Variants in MAML3 observed in about 807,000 individuals in gnomAD.
MAML3 encodes the protein mastermind-like protein 3.
MAML3 carries 27 observed loss-of-function variants against 101.9 expected under a neutral mutation model. The ratio of observed to expected loss-of-function variants is 0.27; its 90% confidence interval spans 0.20 to 0.37. The LOEUF (loss-of-function observed/expected upper bound fraction) is 0.37, where lower values mean the gene tolerates loss of function less well. Ranked by LOEUF, MAML3 falls within the 10% of genes least tolerant of loss-of-function variation. The probability of loss-of-function intolerance (pLI) is 1.00; values close to 1 mark genes in which losing one functional copy is unlikely to be tolerated. For synonymous variants in MAML3, 501 were observed against 555.9 expected, an observed-to-expected ratio of 0.90 and a Z score of 1.39; for missense variants, 1,316 against 1,444.9, an observed-to-expected ratio of 0.91 and a Z score of 1.45.
chr4:139,725,576 A>G (rs1165101544), intron 4 of MAML3, among the ~76,000 whole-genome samples, 175 bp downstream of exon 4: 2 of 152,184 alleles, frequency 1.3e-5, no homozygotes, highest in Non-Finnish European at 2.9e-5. Context: ...CTGGCACAAC[A>G]GGAGGCCTCT....
intron 1 of MAML3, among the ~76,000 whole-genome samples, chr4:140,094,186 G>A (rs903769653): frequency 1.3e-5 from 2 of 152,176 alleles, no homozygotes; most frequent in Non-Finnish European, 2.9e-5. Context: ...TTTGGGAGGG[G>A]GAGGGAGTGA....
At chr4:140,140,214 C>T (rs1728957376) in intron 1 of MAML3, among the ~76,000 whole-genome samples, 1 of 152,084 alleles carries the variant, frequency 6.6e-6, no homozygotes, top group Non-Finnish European at 1.5e-5. Flanking sequence ...GTCCCAGCTA[C>T]TCGGAAGGCT....
chr4:139,954,419 G>T (rs1370770109), intron 1 of MAML3, among the ~76,000 whole-genome samples: 1 of 152,190 alleles, frequency 6.6e-6, no homozygotes, highest in Non-Finnish European at 1.5e-5. Context: ...TGTTTCCGTG[G>T]AACACCTTTG....
At chr4:140,001,206 G>A (rs1734918607) in intron 1 of MAML3, among the ~76,000 whole-genome samples, 1 of 152,126 alleles carries the variant, frequency 6.6e-6, no homozygotes, top group Non-Finnish European at 1.5e-5. Flanking sequence ...TTTTCTCCAT[G>A]AGCAGTTGCA....
intron 2 of MAML3, among the ~76,000 whole-genome samples, chr4:139,802,875 A>G (rs1730632976): frequency 6.6e-6 from 1 of 152,246 alleles, no homozygotes; most frequent in Non-Finnish European, 1.5e-5. Flanking sequence ...AGTGCTTTGG[A>G]AACTGAGCAG....
At chr4:139,976,292 A>G (rs947179892) in intron 1 of MAML3, among the ~76,000 whole-genome samples, 28 of 152,056 alleles carry the variant, frequency 1.8e-4, no homozygotes, top group African/African-American at 6.5e-4. Context: ...CTCCTCCCCC[A>G]AAAACAGTAA....
intron 1 of MAML3, among the ~76,000 whole-genome samples, chr4:139,988,639 C>A (rs12504594): frequency 0.27 from 40,720 of 151,996 alleles, 6,645 homozygotes; most frequent in Non-Finnish European, 0.37. Context: ...ACAACAGGGA[C>A]AGGAAGGGGC....
intron 1 of MAML3, among the ~76,000 whole-genome samples, chr4:139,995,337 G>A (rs777915305): frequency 6.6e-5 from 10 of 152,232 alleles, no homozygotes; most frequent in Non-Finnish European, 1.3e-4. Context: ...TGCTCATGAG[G>A]ACATTCTTGT....
chr4:139,858,618 T>C (rs115247388), intron 2 of MAML3, among the ~76,000 whole-genome samples: 488 of 152,228 alleles, frequency 3.2e-3, no homozygotes, highest in African/African-American at 0.011. Flanking sequence ...TAAAAATCAC[T>C]GAAAGGAGTC....
Position 139,890,816 on chromosome 4 carries a change from G to C in MAML3, c.620C>G (p.Pro207Arg). Residue 207 changes from proline (P) to arginine (R), a missense_variant, in exon 2 of 5, where the codon CCC (proline) becomes CGC (arginine). Transcript: ENST00000509479. The surrounding 1 kb of genome is among the most constrained non-coding windows in gnomAD (Gnocchi z 4.1). ...AGCTGAAGGCAGTGGCATGTTACTG[G>C]GCAAATTGTTGATGGCTTCCATCCC... ...SAGMEAINNLPSNMPLPSASP... is the reference protein window; with the variant it reads ...SAGMEAINNLRSNMPLPSASP... 1 of 1,613,988 alleles carries C rather than the reference G, an allele frequency of 6.2e-7. No homozygotes were observed. Among genetic ancestry groups the C allele is most frequent in the Non-Finnish European group, 8.5e-7 (1 of 1,179,892 alleles).
chr4:140,050,818 C>T (rs11945931), intron 1 of MAML3, among the ~76,000 whole-genome samples: 20,117 of 152,170 alleles, frequency 0.13, 1,439 homozygotes, highest in African/African-American at 0.15. Flanking sequence ...CCTTCAGAAT[C>T]GCTACCTTGA....
rs369376772 is a variant in MAML3 at position 139,719,376 on chromosome 4, C to G, written c.3364G>C (p.Gly1122Arg). The change falls in exon 5 of 5, where the codon GGG becomes CGG. Residue 1122 changes from glycine (G) to arginine (R), a missense_variant. By Grantham distance (125) the Gly-to-Arg change is moderately radical (BLOSUM62 -2). Coordinates refer to ENST00000509479, the MANE Select transcript of MAML3 (RefSeq NM_018717.5). ...ADLVDSIIKG[G>R]PGDEWMQELD... ...TCCTGCATCCACTCGTCCCCTGGCCCGCCTTTGATGATGGAGTCCACAAGG... is the reference window on the plus strand; with the variant it reads ...TCCTGCATCCACTCGTCCCCTGGCCGGCCTTTGATGATGGAGTCCACAAGG... 4.3e-6 allele frequency: 7 copies of G among 1,611,946 alleles called. No individual in the cohort carries two copies. The South Asian group carries it at 7.7e-5, about 18-fold the overall frequency.
intron 1 of MAML3, among the ~76,000 whole-genome samples, chr4:140,093,049 A>C (rs927055800): frequency 6.6e-5 from 10 of 152,174 alleles, no homozygotes; most frequent in African/African-American, 2.4e-4. Context: ...AAGACAGGAA[A>C]ACTTTATAGG....
At chr4:140,147,077 G>A (rs1288038762) in intron 1 of MAML3, among the ~76,000 whole-genome samples, 1 of 144,368 alleles carries the variant, frequency 6.9e-6, no homozygotes, top group Non-Finnish European at 1.5e-5. Flanking sequence ...AGCTTGCAGT[G>A]AGCCGAGATT....
chr4:140,095,991 G>A (rs111406004), intron 1 of MAML3, among the ~76,000 whole-genome samples: 4 of 151,964 alleles, frequency 2.6e-5, no homozygotes, highest in African/African-American at 7.2e-5. Flanking sequence ...GTTACACACT[G>A]TGGGCTCCTG....
At chr4:140,103,510 G>A (rs1728285331) in intron 1 of MAML3, among the ~76,000 whole-genome samples, 1 of 152,198 alleles carries the variant, frequency 6.6e-6, no homozygotes, top group South Asian at 2.1e-4. Flanking sequence ...GTGTGTGTTT[G>A]TTGTGCTTCT....
intron 2 of MAML3, among the ~76,000 whole-genome samples, chr4:139,772,083 A>AC (rs1730001684): frequency 6.6e-6 from 1 of 151,338 alleles, no homozygotes; most frequent in Non-Finnish European, 1.5e-5. Flanking sequence ...TACTAAAAAT[A>AC]CAAAAAATTA....
intron 2 of MAML3, among the ~76,000 whole-genome samples, chr4:139,802,434 A>G (rs1318465071): frequency 6.6e-6 from 1 of 152,138 alleles, no homozygotes; most frequent in Non-Finnish European, 1.5e-5. Context: ...GCTTGCTGCC[A>G]TGCCCGACTT....
intron 1 of MAML3, among the ~76,000 whole-genome samples, chr4:139,921,060 CTCA>C (rs1348344257): frequency 6.6e-6 from 1 of 152,152 alleles, no homozygotes; most frequent in Non-Finnish European, 1.5e-5. Context: ...CTCTTTCCTC[CTCA>C]TTTTTCCCCC....
Sources: allele counts gnomAD v4.1 joint callset (sites outside exome capture counted in the v4.1 genomes callset), GRCh38; gene constraint gnomAD v4.1.1; non-coding constraint Gnocchi (gnomAD v3.1); transcripts MANE v1.5; gene names NCBI Gene and HGNC (gene_info 2026-07-23, HGNC 2026-07-21).